SP2: variants seen among roughly 807,000 people sequenced by gnomAD.
SP2 encodes Sp2 transcription factor.
SP2 carries 9 observed loss-of-function variants against 50.1 expected under a neutral mutation model. The observed-to-expected ratio is 0.18, with a 90% CI of 0.11 to 0.31. The LOEUF (loss-of-function observed/expected upper bound fraction) is 0.31, where lower values mean the gene tolerates loss of function less well. Ranked by LOEUF, SP2 falls within the 10% of genes least tolerant of loss-of-function variation. The probability of loss-of-function intolerance (pLI) is 1.00; values close to 1 mark genes in which losing one functional copy is unlikely to be tolerated. For synonymous variants in SP2, 313 were observed against 326.6 expected (o/e 0.96, Z 0.45); for missense variants, 581 against 806.5 (o/e 0.72, Z 3.39).
intron 6 of SP2, among the ~76,000 whole-genome samples, chr17:47,926,142 C>T (rs1276245124): frequency 2.6e-5 from 4 of 151,458 alleles, no homozygotes; most frequent in African/African-American, 4.9e-5. Context: ...GTCTCGAACC[C>T]CTGACCTCAG....
At chr17:47,898,074 G>C (rs1276495450) in intron 1 of SP2, 3 of 157,890 alleles carry the variant, frequency 1.9e-5, no homozygotes, top group Admixed American at 6.5e-5. Context: ...CTTTGCCAAG[G>C]AGACCCAAGT....
At chr17:47,897,962 G>A in intron 1 of SP2, 1 of 738,862 alleles carries the variant, frequency 1.4e-6, no homozygotes, top group Non-Finnish European at 1.7e-6. Flanking sequence ...CCTCTTGGTT[G>A]TACAGAGGCT....
intron 1 of SP2, among the ~76,000 whole-genome samples, chr17:47,896,629 C>G (rs1160373985): frequency 1.3e-5 from 2 of 152,202 alleles, no homozygotes; most frequent in East Asian, 1.9e-4. Context: ...CACTTCAACG[C>G]CGCTCTCCCG....
intron 2 of SP2, 76 bp downstream of exon 2, chr17:47,915,464 C>A: frequency 1.1e-6 from 1 of 906,550 alleles, no homozygotes; most frequent in Non-Finnish European, 1.7e-6. Flanking sequence ...TCTCTCTTCA[C>A]TGTCTCACTA....
chr17:47,920,582 G>A lies in SP2; in HGVS notation c.1060-2380G>A, dbSNP rs200575572. Among the ~76,000 whole-genome samples, 5 of 150,446 alleles carry A rather than the reference G, an allele frequency of 3.3e-5. No homozygotes were observed. In the East Asian group the frequency reaches 5.9e-4, roughly 18 times the overall value. On this transcript the variant is annotated intron_variant, in intron 3 of 6. Coordinates refer to ENST00000376741, the MANE Select transcript of SP2 (RefSeq NM_003110.6). The stretch of plus-strand genomic sequence containing the variant: ...ATTACAGGCATGAGCCACCGCACCC[G>A]GCCAATTTTTGTATTTTTTTAGTAG...
At chr17:47,910,065 G>A (rs2143872981) in intron 1 of SP2, among the ~76,000 whole-genome samples, 1 of 152,090 alleles carries the variant, frequency 6.6e-6, no homozygotes, top group Middle Eastern at 3.4e-3. Context: ...GGCCAGGCTG[G>A]TATGAACTCC....
chr17:47,928,807 A>G lies in SP2; in HGVS notation c.*983A>G, dbSNP rs1027295880. The stretch of plus-strand genomic sequence containing the variant: ...GGCTTTTAAATTAAACAAAAATCCA[A>G]CTTTATTTTTAGTTGTAACTGCTTG... On this transcript the variant is annotated 3_prime_UTR_variant, in exon 7 of 7. Coordinates refer to ENST00000376741, the MANE Select transcript of SP2 (RefSeq NM_003110.6). 1.3e-5 allele frequency: 2 copies of G among 152,580 alleles called. No individual in the cohort carries two copies. The highest frequency in any genetic ancestry group is 2.9e-5 in the Non-Finnish European group (2 of 68,038). The allele number at this position is 152,580 out of a possible 1,614,324, so 9.5% of individuals were successfully genotyped here. A position where few individuals can be genotyped will look rare whatever the true frequency, so the allele number is the denominator to read the frequency against.
intron 6 of SP2, among the ~76,000 whole-genome samples, chr17:47,926,281 C>T (rs1269813613): frequency 6.6e-6 from 1 of 151,122 alleles, no homozygotes; most frequent in Non-Finnish European, 1.5e-5. Context: ...ACTGGTGCGG[C>T]CAGGTTCACA....
chr17:47,900,889 C>CT (rs2034512785), intron 1 of SP2, among the ~76,000 whole-genome samples: 1 of 152,064 alleles, frequency 6.6e-6, no homozygotes. Context: ...TATCTTGCTT[C>CT]TTTTTTTTCT....
chr17:47,901,481 A>T (rs1476162143), intron 1 of SP2, among the ~76,000 whole-genome samples: 1 of 151,560 alleles, frequency 6.6e-6, no homozygotes, highest in East Asian at 1.9e-4. Context: ...TTTTTTTGAG[A>T]CAGAGTCTCG....
chr17:47,902,132 G>A (rs957481170), intron 1 of SP2, among the ~76,000 whole-genome samples: 1 of 152,090 alleles, frequency 6.6e-6, no homozygotes, highest in Non-Finnish European at 1.5e-5. Flanking sequence ...GGAGGAGATT[G>A]AGCCTTTTTC....
chr17:47,909,959 T>A (rs1488411652), intron 1 of SP2, among the ~76,000 whole-genome samples: 5 of 152,210 alleles, frequency 3.3e-5, no homozygotes, highest in African/African-American at 1.2e-4. Flanking sequence ...ACAATTCTCC[T>A]GCTTCAGCCT....
intron 1 of SP2, among the ~76,000 whole-genome samples, chr17:47,914,365 CCTT>C (rs1371379833): frequency 6.6e-6 from 1 of 150,498 alleles, no homozygotes; most frequent in African/African-American, 2.5e-5. Context: ...GAGTGAAACT[CCTT>C]CTCAAAAAAA....
chr17:47,905,212 A>G (rs975828720), intron 1 of SP2, among the ~76,000 whole-genome samples: 4 of 152,296 alleles, frequency 2.6e-5, no homozygotes, highest in East Asian at 3.9e-4. Context: ...TTGAGGTCCA[A>G]CTTTGTTCTC....
At chr17:47,913,163 ATATC>A (rs981010395) in intron 1 of SP2, among the ~76,000 whole-genome samples, 2 of 151,706 alleles carry the variant, frequency 1.3e-5, no homozygotes, top group Non-Finnish European at 1.5e-5. Context: ...ACCCAGCCCA[ATATC>A]TATCCTCTTT....
intron 1 of SP2, among the ~76,000 whole-genome samples, chr17:47,902,407 T>C (rs919743466): frequency 1.3e-5 from 2 of 152,110 alleles, no homozygotes; most frequent in Non-Finnish European, 1.5e-5. Flanking sequence ...CATGGTTTCA[T>C]TTAAGTGTGA....
chr17:47,915,295 C>T lies in SP2; in HGVS notation c.8-17C>T. On this transcript the variant is annotated splice_polypyrimidine_tract_variant and intron_variant, in intron 1 of 6. Coordinates refer to ENST00000376741, the MANE Select transcript of SP2 (RefSeq NM_003110.6). Reference sequence around the variant, plus strand: ...TTGGGCATTTTATACATTACTCCATCTCTTTTCTTCCAACAGATCCACAGA... The same window carrying T: ...TTGGGCATTTTATACATTACTCCATTTCTTTTCTTCCAACAGATCCACAGA... 6.3e-7 allele frequency: 1 copy of T among 1,591,610 alleles called. No individual in the cohort carries two copies. Among genetic ancestry groups the T allele is most frequent in the Non-Finnish European group, 8.6e-7 (1 of 1,163,776 alleles).
At chr17:47,930,097 C>T (rs1294268616), downstream of SP2, 1 of 152,258 alleles carries the variant, frequency 6.6e-6, no homozygotes, top group Non-Finnish European at 1.5e-5. Flanking sequence ...ACTAGACCAC[C>T]AGCTGAATCT....
At chr17:47,903,556 A>G (rs1024848932) in intron 1 of SP2, among the ~76,000 whole-genome samples, 5 of 152,002 alleles carry the variant, frequency 3.3e-5, no homozygotes, top group African/African-American at 9.7e-5. Flanking sequence ...AATCCCAGCT[A>G]CCTGGGAGGC....
Sources: allele counts gnomAD v4.1 joint callset (sites outside exome capture counted in the v4.1 genomes callset), GRCh38; gene constraint gnomAD v4.1.1; transcripts MANE v1.5; gene names NCBI Gene and HGNC (gene_info 2026-07-23, HGNC 2026-07-21).